GLYR1: variants seen among roughly 807,000 people sequenced by gnomAD.
GLYR1 encodes the protein glyoxylate reductase 1 homolog, also known as cytokine-like nuclear factor N-PAC.
In GLYR1, 21 loss-of-function variants were observed where a neutral mutation model predicts 72.7. The observed-to-expected ratio is 0.29, with a 90% CI of 0.20 to 0.42. The LOEUF is 0.42. GLYR1 is among the 10% of genes least tolerant of loss of function. The probability of loss-of-function intolerance (pLI) is 1.00; values close to 1 mark genes in which losing one functional copy is unlikely to be tolerated. For missense variants in GLYR1, 594 were observed against 712.1 expected (o/e 0.83, Z 1.89); for synonymous variants, 392 against 270.2 (o/e 1.45, Z -4.42).
chr16:4,818,694 C>T (rs2083808960), intron 9 of GLYR1, among the ~76,000 whole-genome samples: 1 of 152,180 alleles, frequency 6.6e-6, no homozygotes, highest in African/African-American at 2.4e-5. Context: ...TTTCACCTCT[C>T]TTTCCCAACT....
At chr16:4,833,495 C>G (rs1037606369) in intron 3 of GLYR1, among the ~76,000 whole-genome samples, 7 of 152,118 alleles carry the variant, frequency 4.6e-5, no homozygotes, top group Non-Finnish European at 1.5e-5. Context: ...TATGGATATT[C>G]ACAGCCACTG....
In GLYR1 at chr16:4,832,051, G is replaced by T. The variant is rs200029439; in HGVS notation, c.465C>A (p.Gly155=). 5 of 1,614,164 alleles carry T rather than the reference G, an allele frequency of 3.1e-6. No homozygotes were observed. In the East Asian group the frequency reaches 1.1e-4, roughly 36 times the overall value. Residue 155 remains glycine, a synonymous_variant, in exon 5 of 16, where the codon GGC becomes GGA. Coordinates refer to ENST00000321919, the MANE Select transcript of GLYR1 (RefSeq NM_032569.4). ...KRVSSGSSER[G]SKSPLKRAQE... ...GGGCTCTTTTCAGAGGGGATTTGGA[G>T]CCTCTCTCTGAAGAGCCTGAAGACA...
intron 5 of GLYR1, among the ~76,000 whole-genome samples, chr16:4,825,148 C>T (rs370192964): frequency 1.4e-4 from 22 of 152,296 alleles, no homozygotes; most frequent in African/African-American, 4.8e-4. Context: ...ACCAAAAGGG[C>T]CAATCAGATT....
intron 3 of GLYR1, 115 bp from the exon 4 acceptor site, chr16:4,833,027 T>C (rs1042386405): frequency 1.6e-5 from 15 of 921,720 alleles, no homozygotes; most frequent in Middle Eastern, 2.3e-4. Context: ...GACTTTGCAA[T>C]AGGCCTTGCC....
chr16:4,828,385 A>T (rs941838005), intron 5 of GLYR1, among the ~76,000 whole-genome samples: 3 of 152,116 alleles, frequency 2.0e-5, no homozygotes, highest in African/African-American at 7.2e-5. Context: ...TGTACATTTT[A>T]AAAAGACATA....
In GLYR1 at chr16:4,805,880, T is replaced by C. The variant is rs553071781; in HGVS notation, c.1588-570A>G. 2.0e-5 allele frequency among the ~76,000 whole-genome samples: 3 copies of C among 150,520 alleles called. No homozygotes were observed. In the South Asian group the frequency reaches 6.3e-4, roughly 32 times the overall value. On this transcript the variant is annotated intron_variant, in intron 15 of 15. Transcript: ENST00000321919. ...CCTGTAATCCCAGCTACTCAGGAGG[T>C]TGAGGCAGGAGAATAGCTTGAACCT...
At chr16:4,840,532 A>G (rs760345013) in intron 3 of GLYR1, among the ~76,000 whole-genome samples, 1 of 151,310 alleles carries the variant, frequency 6.6e-6, no homozygotes, top group African/African-American at 2.4e-5. Flanking sequence ...TTTTCAAACA[A>G]ACACACACAC....
At chr16:4,806,905 C>G (rs550948749) in intron 15 of GLYR1, among the ~76,000 whole-genome samples, 1 of 146,486 alleles carries the variant, frequency 6.8e-6, no homozygotes, top group South Asian at 2.2e-4. Context: ...CTCCCGGGTT[C>G]ACGCCATTCT....
intron 15 of GLYR1, among the ~76,000 whole-genome samples, chr16:4,808,114 C>T (rs527495148): frequency 2.9e-4 from 44 of 151,634 alleles, no homozygotes; most frequent in African/African-American, 9.4e-4. Context: ...TGCATGCCTG[C>T]GGTTCCAGCT....
chr16:4,846,840 A>C lies in GLYR1; in HGVS notation c.38+388T>G, dbSNP rs555406820. 9.7e-6 allele frequency: 3 copies of C among 309,054 alleles called. No homozygotes were observed. The South Asian group carries it at 1.0e-4, about 11-fold the overall frequency. The allele number at this position is 309,054 out of a possible 1,614,324, so 19.1% of individuals were successfully genotyped here. A position where few individuals can be genotyped will look rare whatever the true frequency, so the allele number is the denominator to read the frequency against. On this transcript the variant is annotated intron_variant, in intron 1 of 15. Coordinates refer to ENST00000321919, the MANE Select transcript of GLYR1 (RefSeq NM_032569.4). ...GCAACCTGGGCTTTGACCGAATGGC[A>C]CCGGCCAGATCTCGCAGGTCCGGTC...
At chr16:4,824,498 CAAAA>C (rs142627380) in intron 5 of GLYR1, among the ~76,000 whole-genome samples, 2 of 95,148 alleles carry the variant, frequency 2.1e-5, no homozygotes, top group African/African-American at 4.3e-5. Context: ...GACTCCATCT[CAAAA>C]AAAAAAAAAA....
At position 4,828,156 on chromosome 16, in the gene GLYR1, G is replaced by A. The variant is rs139352561; in HGVS notation, c.537+3823C>T. On this transcript the variant is annotated intron_variant, in intron 5 of 15. Transcript: ENST00000321919. ...GTGATCTCGGCTCACTTCAAGCTCC[G>A]CCTCCCGGGTTCACGCCATTCTCCT... 5.5e-3 allele frequency among the ~76,000 whole-genome samples: 831 copies of A among 151,252 alleles called. 7 individuals carry two copies. Among genetic ancestry groups the A allele is most frequent in the African/African-American group, 0.019 (796 of 41,280 alleles).
At chr16:4,842,251 A>AC (rs1249476797) in intron 3 of GLYR1, among the ~76,000 whole-genome samples, 2 of 150,146 alleles carry the variant, frequency 1.3e-5, no homozygotes, top group East Asian at 3.9e-4. Flanking sequence ...TTCAAAAAAA[A>AC]AAAAACAACA....
rs183294479 is a variant in GLYR1 at position 4,817,824 on chromosome 16, G to T, written c.807-127C>A. ...AGGGGAATTCAGACTGCCAGAAACA[G>T]CAGTGGCCAATCTACCTGCAGAGCC... is the stretch of plus-strand genomic sequence containing the variant. On this transcript the variant is annotated intron_variant, in intron 9 of 15. Transcript: ENST00000321919. 445 of 676,032 alleles carry T rather than the reference G, an allele frequency of 6.6e-4. 4 individuals are homozygous for T. In the East Asian group the frequency reaches 0.011, roughly 17 times the overall value. The allele number at this position is 676,032 out of a possible 1,614,324, so 41.9% of individuals were successfully genotyped here.
chr16:4,805,640 A>T (rs1412660204), intron 15 of GLYR1, among the ~76,000 whole-genome samples: 1 of 152,230 alleles, frequency 6.6e-6, no homozygotes, highest in South Asian at 2.1e-4. Flanking sequence ...CAGGAGTTCG[A>T]GACCAGCCAG....
intron 15 of GLYR1, among the ~76,000 whole-genome samples, chr16:4,807,947 G>C (rs1030267025): frequency 6.6e-6 from 1 of 152,102 alleles, no homozygotes; most frequent in Admixed American, 6.6e-5. Context: ...ACAGAATTTA[G>C]GAACAAGGCT....
intron 15 of GLYR1, 120 bp from the exon 16 acceptor site, chr16:4,805,430 G>C: frequency 1.2e-6 from 1 of 801,788 alleles, no homozygotes; most frequent in Non-Finnish European, 2.1e-6. Flanking sequence ...AGGCTGTCCG[G>C]TTAGGAATCC....
intron 3 of GLYR1, among the ~76,000 whole-genome samples, chr16:4,834,085 A>T (rs2142020530): frequency 6.6e-6 from 1 of 152,056 alleles, no homozygotes; most frequent in African/African-American, 2.4e-5. Context: ...AATGTTACTA[A>T]CCCTCCACCA....
rs762759288 is a variant in GLYR1, at chr16:4,811,344, A to C, written c.1463-50T>G. ...ACAAAAGCCAAGGACCTGAAACTAA[A>C]AACTACTTACGGTCCACCAGGTGTC... On this transcript the variant is annotated intron_variant, in intron 14 of 15. Coordinates refer to ENST00000321919, the MANE Select transcript of GLYR1 (RefSeq NM_032569.4). 3.7e-6 allele frequency: 6 copies of C among 1,609,300 alleles called. No homozygotes were observed. The South Asian group carries it at 4.4e-5, about 12-fold the overall frequency.
Sources: allele counts gnomAD v4.1 joint callset (sites outside exome capture counted in the v4.1 genomes callset), GRCh38; gene constraint gnomAD v4.1.1; transcripts MANE v1.5; gene names NCBI Gene and HGNC (gene_info 2026-07-23, HGNC 2026-07-21).